SLC26A8: variants seen among roughly 807,000 people sequenced by gnomAD.
SLC26A8 encodes the protein testis anion transporter 1.
SLC26A8 carries 70 observed loss-of-function variants against 105.0 expected under a neutral mutation model. The ratio of observed to expected loss-of-function variants is 0.67; its 90% CI spans 0.55 to 0.81. The LOEUF is 0.81. SLC26A8 is among the 40% of genes least tolerant of loss of function. SLC26A8 has a pLI of 0.00. For missense variants in SLC26A8, 998 were observed against 1,181.8 expected (o/e 0.84, Z 2.28); for synonymous variants, 415 against 438.3 (o/e 0.95, Z 0.66).
intron 4 of SLC26A8, among the ~76,000 whole-genome samples, chr6:35,999,524 G>T (rs1423551123): frequency 6.6e-6 from 1 of 152,156 alleles, no homozygotes; most frequent in African/African-American, 2.4e-5. Context: ...TTTGACTCAG[G>T]GAAGGGAAGT....
chr6:36,004,657 C>CTT (rs1394120194), intron 3 of SLC26A8, among the ~76,000 whole-genome samples: 1 of 97,734 alleles, frequency 1.0e-5, no homozygotes, highest in Non-Finnish European at 2.1e-5. Flanking sequence ...CCCCTATTTA[C>CTT]TTTTTTTCTT....
Position 35,973,768 on chromosome 6 carries a change from T to C in SLC26A8, c.1287+1607A>G, listed in dbSNP as rs571871087. On this transcript the variant is annotated intron_variant, in intron 10 of 19. Transcript: ENST00000490799. ...TGCCCATGGACTATGACACTTTGTC[T>C]TTCCATGTGAAAGTTGACTGTTCAT... Among the ~76,000 whole-genome samples, 11 of 152,356 alleles carry C rather than the reference T, an allele frequency of 7.2e-5. No homozygotes were observed. In the South Asian group the frequency reaches 2.3e-3, roughly 32 times the overall value.
At chr6:36,004,004 C>T (rs1562065006) in intron 3 of SLC26A8, among the ~76,000 whole-genome samples, 1 of 150,418 alleles carries the variant, frequency 6.6e-6, no homozygotes, top group Non-Finnish European at 1.5e-5. Context: ...TATCCCTACA[C>T]AATACAGTTT....
intron 2 of SLC26A8, among the ~76,000 whole-genome samples, chr6:36,019,142 T>A (rs551188064): frequency 2.4e-4 from 37 of 152,274 alleles, no homozygotes; most frequent in African/African-American, 8.4e-4. Context: ...CCCAGGTTGG[T>A]CTCAAATTCC....
At chr6:35,975,115 G>A (rs1455004496) in intron 10 of SLC26A8, among the ~76,000 whole-genome samples, 1 of 151,870 alleles carries the variant, frequency 6.6e-6, no homozygotes, top group Admixed American at 6.6e-5. Context: ...GGGGTTTTGT[G>A]GGCTAATATA....
chr6:35,976,561 T>C (rs564095955), intron 9 of SLC26A8, among the ~76,000 whole-genome samples: 2 of 150,598 alleles, frequency 1.3e-5, no homozygotes, highest in African/African-American at 4.9e-5. Flanking sequence ...TTTTTTTTTT[T>C]TTTTTTTGAG....
rs375175520 is a variant in SLC26A8 at position 35,966,850 on chromosome 6, G to A, written c.1365+2027C>T. ...AAATTAATGTGATGTAATATGGCTAGCCAAAAGCAAGGGCTGTTCTGTCCC... is the reference window on the plus strand; with the variant it reads ...AAATTAATGTGATGTAATATGGCTAACCAAAAGCAAGGGCTGTTCTGTCCC... On this transcript the variant is annotated intron_variant, in intron 11 of 19. Transcript: ENST00000490799. Among the ~76,000 whole-genome samples the A allele has an allele frequency of 2.6e-3, 394 of 152,268 alleles. 5 individuals are homozygous for A. Among genetic ancestry groups the A allele is most frequent in the African/African-American group, 9.1e-3 (377 of 41,554 alleles).
At chr6:36,009,964 G>A (rs374802837) in intron 3 of SLC26A8, among the ~76,000 whole-genome samples, 195 of 152,302 alleles carry the variant, frequency 1.3e-3, no homozygotes, top group African/African-American at 4.6e-3. Context: ...TGCTGATGAG[G>A]ATGTGGAGGA....
intron 10 of SLC26A8, among the ~76,000 whole-genome samples, chr6:35,974,250 G>A (rs571586390): frequency 3.0e-4 from 45 of 152,280 alleles, no homozygotes; most frequent in Admixed American, 9.2e-4. Flanking sequence ...CCTGGGAGGC[G>A]GAGGTTGCAG....
intron 3 of SLC26A8, among the ~76,000 whole-genome samples, chr6:36,009,376 AC>A: frequency 6.6e-6 from 1 of 151,736 alleles, no homozygotes; most frequent in African/African-American, 2.4e-5. Flanking sequence ...AACAACAACA[AC>A]AACAACAAAC....
chr6:35,959,358 G>A, intron 16 of SLC26A8, 102 bp downstream of exon 16: 2 of 1,315,972 alleles, frequency 1.5e-6, no homozygotes, highest in Non-Finnish European at 2.0e-6. Flanking sequence ...CCATCTAAAA[G>A]TCAAAATCCC....
At position 35,955,383 on chromosome 6, in the gene SLC26A8, G is replaced by A. The variant is rs371963268; in HGVS notation, c.2001C>T (p.Ser667=). Reference sequence around the variant, plus strand: ...GTTGCCCTTGATTTTTCTGAGACACGGACGATACTGTGTATGGCACTTGGT... The same window carrying A: ...GTTGCCCTTGATTTTTCTGAGACACAGACGATACTGTGTATGGCACTTGGT... ...SEDQVPYTVS[S]VSQKNQGQQY... Residue 667 remains serine, a synonymous_variant, in exon 17 of 20, where the codon TCC becomes TCT. Coordinates refer to ENST00000490799, the MANE Select transcript of SLC26A8 (RefSeq NM_052961.4). 1.7e-5 allele frequency: 27 copies of A among 1,614,064 alleles called. No individual in the cohort carries two copies. Among genetic ancestry groups the A allele is most frequent in the Admixed American group, 1.2e-4 (7 of 59,996 alleles).
chr6:35,951,089 CAA>C, intron 19 of SLC26A8, 72 bp downstream of exon 19: 1 of 1,371,900 alleles, frequency 7.3e-7, no homozygotes, highest in Non-Finnish European at 1.0e-6. Context: ...TCCCAGCCCC[CAA>C]CCACCCCTCA....
intron 5 of SLC26A8, among the ~76,000 whole-genome samples, chr6:35,996,967 G>A (rs748710254): frequency 8.6e-5 from 13 of 151,912 alleles, no homozygotes; most frequent in African/African-American, 1.7e-4. Context: ...CCTGGGAGGC[G>A]GAGATTGCAG....
chr6:36,012,153 A>T, intron 3 of SLC26A8, 80 bp downstream of exon 3: 4 of 1,525,576 alleles, frequency 2.6e-6, no homozygotes, highest in African/African-American at 2.8e-5. Context: ...TTCATGTAGC[A>T]CAAGTAATTG....
At chr6:36,004,154 C>T (rs1006064079) in intron 3 of SLC26A8, among the ~76,000 whole-genome samples, 5 of 149,112 alleles carry the variant, frequency 3.4e-5, no homozygotes, top group Non-Finnish European at 7.4e-5. Context: ...CAGCTCGCTA[C>T]AGCTTCAACC....
intron 10 of SLC26A8, among the ~76,000 whole-genome samples, chr6:35,974,742 T>C (rs1362221504): frequency 6.6e-6 from 1 of 152,152 alleles, no homozygotes; most frequent in Non-Finnish European, 1.5e-5. Flanking sequence ...TATTCTTTTT[T>C]GTTTGTTTGT....
At chr6:36,006,721 GC>G (rs1246890471) in intron 3 of SLC26A8, among the ~76,000 whole-genome samples, 2 of 152,166 alleles carry the variant, frequency 1.3e-5, no homozygotes, top group Non-Finnish European at 2.9e-5. Flanking sequence ...ATACAAATGG[GC>G]CATTTTGGTT....
chr6:35,954,938 C>T, intron 17 of SLC26A8: 1 of 514,438 alleles, frequency 1.9e-6, no homozygotes, highest in South Asian at 2.1e-5. Context: ...GAGTGAGGCT[C>T]CATCTCAAAA....
Sources: gnomAD v4.1 joint callset for allele counts (sites outside exome capture counted in the v4.1 genomes callset) on GRCh38, gnomAD v4.1.1 for gene constraint, MANE v1.5 for transcripts, NCBI Gene and HGNC (gene_info 2026-07-23, HGNC 2026-07-21) for gene names.